TUT7: variants seen among roughly 807,000 people sequenced by gnomAD.
TUT7 encodes the protein terminal uridylyl transferase 7.
TUT7 carries 33 observed loss-of-function variants against 165.9 expected under a neutral mutation model. That is an observed-to-expected ratio of 0.20 (90% CI 0.15 to 0.27). The LOEUF (loss-of-function observed/expected upper bound fraction) is 0.27. Ranked by LOEUF, TUT7 falls within the 10% of genes least tolerant of loss-of-function variation. The pLI, the probability that TUT7 is intolerant of heterozygous loss-of-function variation, is 1.00. For synonymous variants in TUT7, 552 were observed against 608.1 expected, an observed-to-expected ratio of 0.91 and a Z score of 1.36; for missense variants, 1,338 against 1,762.3, an observed-to-expected ratio of 0.76 and a Z score of 4.31.
intron 26 of TUT7, chr9:86,298,885 G>T: frequency 1.1e-6 from 1 of 880,732 alleles, no homozygotes; most frequent in Non-Finnish European, 1.4e-6. Context: ...ATCTGAAACA[G>T]CCTTAAAACC....
At chr9:86,295,054 CATG>C (rs1184358824) in intron 26 of TUT7, among the ~76,000 whole-genome samples, 1 of 151,776 alleles carries the variant, frequency 6.6e-6, no homozygotes, top group Admixed American at 6.6e-5. Flanking sequence ...TGCAGATAAG[CATG>C]ATAAGCTACT....
intron 5 of TUT7, among the ~76,000 whole-genome samples, chr9:86,344,370 T>C (rs909276214): frequency 3.9e-5 from 6 of 152,088 alleles, no homozygotes; most frequent in Admixed American, 3.3e-4. Flanking sequence ...GTGTCAGGCA[T>C]TGAACATACC....
In TUT7 at chr9:86,323,490, T is replaced by G; in HGVS notation, c.2260A>C (p.Lys754Gln). The G allele has an allele frequency of 6.2e-7, 1 of 1,614,242 alleles. No individual in the cohort carries two copies. ...AGATGCTTGCCCTTCCTTCCAACTT[T>G]CTCTTTCTCGTTTTTCCTTCCTGTT... Reference protein sequence around the residue: ...PETGRKNEKEKVGRKGKHLLT... With the variant: ...PETGRKNEKEQVGRKGKHLLT... Residue 754 changes from lysine to glutamine, a missense_variant, in exon 13 of 27, where the codon AAA (lysine) becomes CAA (glutamine). Physicochemically the swap from Lys to Gln is moderately conservative, Grantham distance 53. Around this residue, in one of 7 missense-constraint regions of TUT7, gnomAD observed 425 missense variants for 474.9 expected, o/e 0.89. Coordinates refer to ENST00000375963, the MANE Select transcript of TUT7 (RefSeq NM_024617.4).
chr9:86,315,708 G>A (rs1828645769), intron 17 of TUT7, among the ~76,000 whole-genome samples: 1 of 151,456 alleles, frequency 6.6e-6, no homozygotes, highest in Admixed American at 6.6e-5. Context: ...TAAGGGAAAT[G>A]TTTACTTCAA....
intron 10 of TUT7, among the ~76,000 whole-genome samples, chr9:86,335,695 A>C (rs1392663226): frequency 3.3e-5 from 5 of 152,186 alleles, no homozygotes; most frequent in African/African-American, 1.2e-4. Flanking sequence ...TTTCTGCAGA[A>C]ATAATGTATG....
At chr9:86,338,067 A>G (rs1026047627) in intron 9 of TUT7, among the ~76,000 whole-genome samples, 1 of 152,216 alleles carries the variant, frequency 6.6e-6, no homozygotes, top group Non-Finnish European at 1.5e-5. Flanking sequence ...AAAGGATAGC[A>G]TATTATAATT....
chr9:86,288,739 G>C lies in TUT7; in HGVS notation c.4426C>G (p.Leu1476Val). The C allele has an allele frequency of 6.2e-7, 1 of 1,612,574 alleles. No homozygotes were observed. ...CCCTGAGTCATATATTTACTGGAAA[G>C]GCTACCTAGAGGAGGGGAAGAAACA... is the stretch of plus-strand genomic sequence containing the variant. The part of the protein sequence containing the change: ...CPQFKGSSGS[L>V]SSKYMTQGKA... The change falls in exon 27 of 27, where the codon CTT (leucine) becomes GTT (valine). Residue 1476 changes from leucine to valine, a missense_variant. Leu to Val is a conservative substitution (Grantham distance 32). Around this residue, in one of 7 missense-constraint regions of TUT7, gnomAD observed 167 missense variants for 204.9 expected, o/e 0.82. Transcript: ENST00000375963.
chr9:86,339,066 TAA>T (rs758573763), intron 8 of TUT7, 117 bp from the exon 9 acceptor site: 9 of 967,712 alleles, frequency 9.3e-6, no homozygotes, highest in Non-Finnish European at 9.4e-6. Context: ...ACTTCAAAAA[TAA>T]AAAGCTTAAA....
chr9:86,288,719 A>G lies in TUT7; in HGVS notation c.4446T>C (p.Thr1482=), dbSNP rs1200385867. The G allele has an allele frequency of 6.2e-7, 1 of 1,613,722 alleles. No homozygotes were observed. Among genetic ancestry groups the G allele is most frequent in the Non-Finnish European group, 8.5e-7 (1 of 1,179,824 alleles). ...TCCTCTTCGCTGAGGCTTTTCCCTG[A>G]GTCATATATTTACTGGAAAGGCTAC... ...SSGSLSSKYM[T]QGKASAKRTQ... is the part of the protein sequence containing the mutation. The change falls in exon 27 of 27, where the codon ACT becomes ACC. Residue 1482 remains threonine (T), a synonymous_variant. Coordinates refer to ENST00000375963, the MANE Select transcript of TUT7 (RefSeq NM_024617.4).
At position 86,323,742 on chromosome 9, in the gene TUT7, TATC is replaced by T. The variant is rs1564068005; in HGVS notation, c.2005_2007del (p.Asp669del). 4 of 1,613,702 alleles carry T rather than the reference TATC, an allele frequency of 2.5e-6. No homozygotes were observed. The highest frequency in any genetic ancestry group is 2.5e-6 in the Non-Finnish European group (3 of 1,179,710). Reference sequence around the variant, plus strand: ...TGGGCCAAAACTGAGTTTTTGAGCTTATCATCTTTTGTTTGTACATCTGGATGA... The same window carrying T: ...TGGGCCAAAACTGAGTTTTTGAGCTTATCTTTTGTTTGTACATCTGGATGA... On this transcript the variant is annotated inframe_deletion, in exon 13 of 27. Coordinates refer to ENST00000375963, the MANE Select transcript of TUT7 (RefSeq NM_024617.4).
At chr9:86,326,855 T>C (rs1829841558) in intron 11 of TUT7, among the ~76,000 whole-genome samples, 1 of 152,212 alleles carries the variant, frequency 6.6e-6, no homozygotes, top group African/African-American at 2.4e-5. Flanking sequence ...GGCAGCATGA[T>C]TAATCTTTCC....
At chr9:86,344,226 C>T (rs1831561082) in intron 5 of TUT7, among the ~76,000 whole-genome samples, 2 of 152,096 alleles carry the variant, frequency 1.3e-5, no homozygotes, top group South Asian at 4.2e-4. Context: ...CATGGCTTCA[C>T]AGATAATTCT....
intron 14 of TUT7, among the ~76,000 whole-genome samples, chr9:86,319,914 C>T (rs1438761265): frequency 6.6e-6 from 1 of 152,126 alleles, no homozygotes; most frequent in Non-Finnish European, 1.5e-5. Context: ...CTTACTGCAA[C>T]CTCTGCCTCC....
In TUT7 at chr9:86,323,049, C is replaced by T. The variant is rs756875035; in HGVS notation, c.2701G>A (p.Glu901Lys). 98 of 1,614,080 alleles carry T rather than the reference C, an allele frequency of 6.1e-5. No individual in the cohort carries two copies. The highest frequency in any genetic ancestry group is 7.6e-5 in the Non-Finnish European group (90 of 1,180,050). The change falls in exon 13 of 27, where the codon GAA (glutamate) becomes AAA (lysine). Residue 901 changes from glutamate to lysine, a missense_variant. Transcript: ENST00000375963. ...ALSEEDDELG[E>K]AAKYEDVKEC... The stretch of plus-strand genomic sequence containing the variant: ...TTCACGTCTTCATACTTAGCAGCTT[C>T]GCCTAACTCATCATCCTCTTCAGAT...
At chr9:86,298,617 G>C (rs193119790) in intron 26 of TUT7, 1 of 204,478 alleles carries the variant, frequency 4.9e-6, no homozygotes, top group Admixed American at 6.5e-5. Flanking sequence ...GTAGAGGATG[G>C]GCAACTATAT....
intron 11 of TUT7, among the ~76,000 whole-genome samples, chr9:86,327,248 G>A (rs1043021734): frequency 1.3e-5 from 2 of 152,222 alleles, no homozygotes; most frequent in Non-Finnish European, 2.9e-5. Context: ...ACCATAACAT[G>A]AAACTGGAGA....
chr9:86,322,139 CTTT>C (rs1829363855), intron 14 of TUT7, among the ~76,000 whole-genome samples, 183 bp downstream of exon 14: 1 of 152,080 alleles, frequency 6.6e-6, no homozygotes, highest in South Asian at 2.1e-4. Context: ...CCTCATCCTT[CTTT>C]GACATTTATT....
At chr9:86,335,979 G>C (rs1830736675) in intron 10 of TUT7, among the ~76,000 whole-genome samples, 1 of 152,164 alleles carries the variant, frequency 6.6e-6, no homozygotes. Context: ...CCATAGGAAA[G>C]GGTATCCATA....
chr9:86,298,775 G>A (rs1267189898), intron 26 of TUT7: 1 of 984,624 alleles, frequency 1.0e-6, no homozygotes, highest in East Asian at 1.1e-4. Context: ...ACCTGACTGG[G>A]GACTCAAAAA....
Sources: allele counts gnomAD v4.1 joint callset (sites outside exome capture counted in the v4.1 genomes callset), GRCh38; gene constraint gnomAD v4.1.1; regional missense constraint gnomAD v4.1.1; transcripts MANE v1.5; gene names NCBI Gene and HGNC (gene_info 2026-07-23, HGNC 2026-07-21).